The following DYNC1I1 variants were observed in gnomAD, a reference collection of about 807,000 sequenced individuals.
DYNC1I1 encodes the protein dynein cytoplasmic 1 intermediate chain 1, also known as cytoplasmic dynein 1 intermediate chain 1.
DYNC1I1 carries 43 observed loss-of-function variants against 86.6 expected under a neutral mutation model. The ratio of observed to expected loss-of-function variants is 0.50; its 90% CI spans 0.39 to 0.64. The LOEUF is 0.64. Ranked by LOEUF, DYNC1I1 falls within the 30% of genes least tolerant of loss-of-function variation. The probability of loss-of-function intolerance (pLI) is 0.00; values close to 1 mark genes in which losing one functional copy is unlikely to be tolerated. For missense variants in DYNC1I1, 604 were observed against 788.8 expected (o/e 0.77, Z 2.81); for synonymous variants, 262 against 283.7 (o/e 0.92, Z 0.77).
intron 6 of DYNC1I1, among the ~76,000 whole-genome samples, chr7:95,952,360 C>T (rs1792583659): frequency 6.6e-6 from 1 of 152,130 alleles, no homozygotes; most frequent in Non-Finnish European, 1.5e-5. Flanking sequence ...CCCTTTGCAA[C>T]TCCCTTCACT....
rs557354401 is a variant in DYNC1I1 at position 95,910,628 on chromosome 7, T to C, written c.490+40630T>C. Among the ~76,000 whole-genome samples the C allele has an allele frequency of 7.9e-5, 12 of 152,266 alleles. No individual in the cohort carries two copies. The East Asian group carries it at 1.9e-3, about 24-fold the overall frequency. On this transcript the variant is annotated intron_variant, in intron 6 of 16. Coordinates refer to ENST00000447467, the MANE Select transcript of DYNC1I1 (RefSeq NM_001135556.2). ...GAGAGTAATGGGAAATCAGGTTGCA[T>C]TGGGCTTTGGCTGCCTTGTCAAGGC...
At chr7:96,029,307 G>A (rs190908679) in intron 11 of DYNC1I1, among the ~76,000 whole-genome samples, 2 of 152,128 alleles carry the variant, frequency 1.3e-5, no homozygotes, top group African/African-American at 2.4e-5. Context: ...AATTGCTCTT[G>A]CCTGCCCCAT....
At chr7:96,006,849 G>C (rs1456133155) in intron 10 of DYNC1I1, among the ~76,000 whole-genome samples, 1 of 152,140 alleles carries the variant, frequency 6.6e-6, no homozygotes, top group Non-Finnish European at 1.5e-5. Context: ...ACTCAAACTT[G>C]TAATTAAACA....
intron 14 of DYNC1I1, among the ~76,000 whole-genome samples, chr7:96,073,526 C>A (rs1480352000): frequency 6.6e-6 from 1 of 152,048 alleles, no homozygotes; most frequent in Admixed American, 6.5e-5. Flanking sequence ...CTGTTTAAAG[C>A]TGGATGGTCT....
chr7:95,993,097 A>G lies in DYNC1I1; in HGVS notation c.844-2851A>G, dbSNP rs144062915. Among the ~76,000 whole-genome samples, 516 of 152,316 alleles carry G rather than the reference A, an allele frequency of 3.4e-3. 10 individuals are homozygous for G. Among genetic ancestry groups the G allele is most frequent in the Admixed American group, 0.026 (404 of 15,296 alleles). ...AACATAACTTCGAACAACACTTAAG[A>G]TTAAATAATTGTTTAGAGATTTTTT... On this transcript the variant is annotated intron_variant, in intron 9 of 16. Coordinates refer to ENST00000447467, the MANE Select transcript of DYNC1I1 (RefSeq NM_001135556.2).
At chr7:95,999,099 G>A (rs1793948519) in intron 10 of DYNC1I1, among the ~76,000 whole-genome samples, 2 of 152,098 alleles carry the variant, frequency 1.3e-5, no homozygotes, top group Non-Finnish European at 2.9e-5. Flanking sequence ...ACCCTGCATA[G>A]AAATCAGCCA....
At chr7:95,916,869 C>T (rs149817449) in intron 6 of DYNC1I1, among the ~76,000 whole-genome samples, 191 of 152,278 alleles carry the variant, frequency 1.3e-3, no homozygotes, top group African/African-American at 4.5e-3. Context: ...GCAATCAGAA[C>T]GAGAAAACTG....
intron 16 of DYNC1I1, among the ~76,000 whole-genome samples, chr7:96,093,768 T>C (rs1790917409): frequency 6.6e-6 from 1 of 152,166 alleles, no homozygotes; most frequent in Non-Finnish European, 1.5e-5. Context: ...TTTGAAGTTT[T>C]TTTTTTTAAT....
chr7:96,019,687 T>C (rs1279952390), intron 10 of DYNC1I1, among the ~76,000 whole-genome samples: 1 of 152,134 alleles, frequency 6.6e-6, no homozygotes, highest in Non-Finnish European at 1.5e-5. Context: ...GTGAAAGAAC[T>C]GTCAAGAATA....
intron 6 of DYNC1I1, among the ~76,000 whole-genome samples, chr7:95,909,397 G>A (rs750677174): frequency 4.9e-4 from 74 of 152,014 alleles, no homozygotes; most frequent in Non-Finnish European, 7.5e-4. Flanking sequence ...ATTCCATTTT[G>A]TATCTATTCA....
At chr7:96,019,435 C>T (rs1374167717) in intron 10 of DYNC1I1, among the ~76,000 whole-genome samples, 8 of 151,490 alleles carry the variant, frequency 5.3e-5, no homozygotes, top group African/African-American at 1.7e-4. Flanking sequence ...GTACTTTTCA[C>T]ATTTGACGGC....
chr7:95,887,550 T>G (rs1180456601), intron 6 of DYNC1I1, among the ~76,000 whole-genome samples: 1 of 152,212 alleles, frequency 6.6e-6, no homozygotes, highest in Non-Finnish European at 1.5e-5. Context: ...TTTACCCCTC[T>G]TATAGCATTT....
At chr7:95,896,439 CACTG>C (rs1214251512) in intron 6 of DYNC1I1, among the ~76,000 whole-genome samples, 5 of 152,216 alleles carry the variant, frequency 3.3e-5, no homozygotes, top group Admixed American at 6.5e-5. Flanking sequence ...CAAGCCTTAA[CACTG>C]ACTACTTTAA....
intron 6 of DYNC1I1, among the ~76,000 whole-genome samples, chr7:95,946,787 A>G (rs1456638412): frequency 6.6e-6 from 1 of 152,218 alleles, no homozygotes; most frequent in Non-Finnish European, 1.5e-5. Flanking sequence ...GATAGAGCTT[A>G]TATCTTGGTT....
At chr7:96,099,892 A>G (rs59006681), downstream of DYNC1I1, among the ~76,000 whole-genome samples, 2,816 of 152,248 alleles carry the variant, frequency 0.018, 79 homozygotes, top group African/African-American at 0.065. Flanking sequence ...CTGAGCTACT[A>G]TGTAAGAAGC....
intron 6 of DYNC1I1, among the ~76,000 whole-genome samples, chr7:95,908,666 G>A (rs535291194): frequency 4.3e-4 from 66 of 152,210 alleles, no homozygotes; most frequent in Non-Finnish European, 7.4e-4. Flanking sequence ...ATGCAGGAGA[G>A]CCTCCTTGAT....
At chr7:95,936,990 A>ACACACAC (rs1562949165) in intron 6 of DYNC1I1, among the ~76,000 whole-genome samples, 3 of 151,754 alleles carry the variant, frequency 2.0e-5, no homozygotes, top group Non-Finnish European at 2.9e-5. Context: ...ACACACACAC[A>ACACACAC]AATACTATTC....
chr7:95,779,099 C>T (rs1438770575), intron 1 of DYNC1I1, among the ~76,000 whole-genome samples: 2 of 152,182 alleles, frequency 1.3e-5, no homozygotes, highest in African/African-American at 4.8e-5. Flanking sequence ...GAGGTTGGGA[C>T]TGCTGCTGAA....
intron 10 of DYNC1I1, among the ~76,000 whole-genome samples, chr7:96,014,180 C>T (rs553078168): frequency 2.1e-4 from 32 of 152,312 alleles, no homozygotes; most frequent in African/African-American, 7.5e-4. Flanking sequence ...GAACTCCCTA[C>T]AGCCATTAAA....
Sources: gnomAD v4.1 joint callset for allele counts (sites outside exome capture counted in the v4.1 genomes callset) on GRCh38, gnomAD v4.1.1 for gene constraint, MANE v1.5 for transcripts, NCBI Gene and HGNC (gene_info 2026-07-23, HGNC 2026-07-21) for gene names.